THRAP3: variants seen among roughly 807,000 people sequenced by gnomAD.
THRAP3 encodes the protein thyroid hormone receptor associated protein 3.
THRAP3 carries 16 observed loss-of-function variants against 101.0 expected under a neutral mutation model. That is an observed-to-expected ratio of 0.16 (90% CI 0.11 to 0.24). The LOEUF (loss-of-function observed/expected upper bound fraction) is 0.24, where lower values mean the gene tolerates loss of function less well. Among genes scored for constraint, THRAP3 ranks in the 10% least tolerant of loss-of-function variants. The pLI is 1.00. For missense variants in THRAP3, 989 were observed against 1,202.7 expected, an observed-to-expected ratio of 0.82 and a Z score of 2.63; for synonymous variants, 407 against 422.6, an observed-to-expected ratio of 0.96 and a Z score of 0.45.
intron 2 of THRAP3, among the ~76,000 whole-genome samples, chr1:36,260,328 A>G (rs72663415): frequency 3.4e-3 from 512 of 152,278 alleles, no homozygotes; most frequent in Non-Finnish European, 5.9e-3. Context: ...AGGGCTCTTT[A>G]TGAAAAACAG....
intron 11 of THRAP3, among the ~76,000 whole-genome samples, chr1:36,302,812 G>A (rs548939877): frequency 6.6e-6 from 1 of 152,306 alleles, no homozygotes; most frequent in South Asian, 2.1e-4. Flanking sequence ...AGCAAGGATT[G>A]TTTGAAATGT....
intron 10 of THRAP3, 66 bp from the exon 11 acceptor site, chr1:36,301,487 G>GC: frequency 6.4e-7 from 1 of 1,569,092 alleles, no homozygotes; most frequent in Non-Finnish European, 8.6e-7. Flanking sequence ...TGAACAAAAA[G>GC]CAGGGGGGTT....
At chr1:36,251,620 A>G (rs1645301473) in intron 1 of THRAP3, among the ~76,000 whole-genome samples, 1 of 152,230 alleles carries the variant, frequency 6.6e-6, no homozygotes, top group African/African-American at 2.4e-5. Flanking sequence ...AGTTTGCTAT[A>G]AAGCTAAATT....
At chr1:36,292,264 C>CTTTTTT (rs774003081) in intron 6 of THRAP3, among the ~76,000 whole-genome samples, 18 of 20,548 alleles carry the variant, frequency 8.8e-4, no homozygotes, top group African/African-American at 2.4e-3. Context: ...TTCTTTGTTT[C>CTTTTTT]TTTTTTTTTT....
At chr1:36,208,842 CT>C in the THRAP3 span, among the ~76,000 whole-genome samples, 1 of 151,442 alleles carries the variant, frequency 6.6e-6, no homozygotes, top group East Asian at 1.9e-4. Flanking sequence ...AATTTTTGTA[CT>C]TTTTGTAGAG....
chr1:36,245,428 C>T (rs1040062814), intron 1 of THRAP3, among the ~76,000 whole-genome samples: 1 of 152,134 alleles, frequency 6.6e-6, no homozygotes, highest in African/African-American at 2.4e-5. Context: ...CTCAGCCTCC[C>T]AGAGTGCTGG....
intron 9 of THRAP3, among the ~76,000 whole-genome samples, chr1:36,299,891 A>G (rs1478512530): frequency 2.0e-5 from 3 of 152,182 alleles, no homozygotes; most frequent in Non-Finnish European, 4.4e-5. Context: ...ATCCTATCAC[A>G]GTAACTTAGA....
chr1:36,221,831 C>T (rs1469578233), upstream of THRAP3, among the ~76,000 whole-genome samples: 5 of 141,776 alleles, frequency 3.5e-5, no homozygotes, highest in Non-Finnish European at 6.1e-5. Context: ...TTTTTTGAGA[C>T]GGAGTTTTGC....
intron 1 of THRAP3, among the ~76,000 whole-genome samples, chr1:36,239,864 A>G (rs961162458): frequency 6.6e-6 from 1 of 152,214 alleles, no homozygotes; most frequent in Non-Finnish European, 1.5e-5. Flanking sequence ...TAAAATATGT[A>G]TAACATAAAA....
upstream of THRAP3, among the ~76,000 whole-genome samples, chr1:36,221,588 G>T (rs1387542760): frequency 6.6e-6 from 1 of 152,146 alleles, no homozygotes; most frequent in Non-Finnish European, 1.5e-5. Flanking sequence ...AGGCTCAGAT[G>T]ACAGCATTTT....
chr1:36,219,090 A>C, the THRAP3 span, among the ~76,000 whole-genome samples: 2 of 152,022 alleles, frequency 1.3e-5, no homozygotes, highest in Admixed American at 6.6e-5. Context: ...TTTGATAAGA[A>C]GGCAAAACAG....
In THRAP3 at chr1:36,291,686, T is replaced by A. The variant is rs181792787; in HGVS notation, c.1918+140T>A. 293 of 857,964 alleles carry A rather than the reference T, an allele frequency of 3.4e-4. 1 individual carries two copies. In the African/African-American group the frequency reaches 4.0e-3, roughly 12 times the overall value. 53.1% of individuals were successfully genotyped at this position (857,964 alleles called of 1,614,324 possible). A position where few individuals can be genotyped will look rare whatever the true frequency, so the allele number is the denominator to read the frequency against. ...AGCTAGGGGCTGGCTTGAAGGAAATTCCATTCAAGAAGCAGTTTCCATATT... is the reference window on the plus strand; with the variant it reads ...AGCTAGGGGCTGGCTTGAAGGAAATACCATTCAAGAAGCAGTTTCCATATT... On this transcript the variant is annotated intron_variant, in intron 6 of 11. Transcript: ENST00000354618.
chr1:36,268,169 G>A (rs537859588), intron 2 of THRAP3, among the ~76,000 whole-genome samples: 7 of 151,422 alleles, frequency 4.6e-5, no homozygotes, highest in South Asian at 4.2e-4. Flanking sequence ...GCAACAGTGC[G>A]AGACTCTGTC....
intron 1 of THRAP3, among the ~76,000 whole-genome samples, chr1:36,234,807 C>CTTTTT (rs35278020): frequency 7.2e-4 from 52 of 72,470 alleles, no homozygotes; most frequent in Admixed American, 1.2e-3. Context: ...CTGTTTCAGT[C>CTTTTT]TTTTTTTTTT....
chr1:36,213,707 C>T, the THRAP3 span, among the ~76,000 whole-genome samples: 5 of 151,820 alleles, frequency 3.3e-5, no homozygotes, highest in East Asian at 7.8e-4. Context: ...ATTAGCCGGG[C>T]ATGGTGGCGT....
At chr1:36,284,762 C>A (rs145063975) in intron 3 of THRAP3, among the ~76,000 whole-genome samples, 1 of 152,174 alleles carries the variant, frequency 6.6e-6, no homozygotes, top group African/African-American at 2.4e-5. Flanking sequence ...GCAGCAGTAG[C>A]CTGTGAGGAT....
chr1:36,221,464 A>G (rs1644902633), upstream of THRAP3, among the ~76,000 whole-genome samples: 1 of 152,132 alleles, frequency 6.6e-6, no homozygotes, highest in African/African-American at 2.4e-5. Flanking sequence ...TTGCTCTCTT[A>G]TTATCAGAAA....
At chr1:36,227,253 G>A (rs1011462886) in intron 1 of THRAP3, among the ~76,000 whole-genome samples, 3 of 151,998 alleles carry the variant, frequency 2.0e-5, no homozygotes, top group Non-Finnish European at 4.4e-5. Flanking sequence ...TCTTTAATAT[G>A]TATAGACACA....
intron 9 of THRAP3, among the ~76,000 whole-genome samples, chr1:36,299,924 G>T (rs901718791): frequency 3.3e-5 from 5 of 152,150 alleles, no homozygotes; most frequent in African/African-American, 1.2e-4. Flanking sequence ...ATGAATAAGT[G>T]TGTGTGGGTG....
Sources: gnomAD v4.1 joint callset for allele counts (sites outside exome capture counted in the v4.1 genomes callset) on GRCh38, gnomAD v4.1.1 for gene constraint, MANE v1.5 for transcripts, NCBI Gene and HGNC (gene_info 2026-07-23, HGNC 2026-07-21) for gene names.